Variants in DLG2 observed in about 807,000 individuals in gnomAD.
The protein encoded by DLG2 is disks large homolog 2.
In DLG2, 45 loss-of-function variants were observed where a neutral mutation model predicts 132.5. The ratio of observed to expected loss-of-function variants is 0.34; its 90% CI spans 0.27 to 0.44. DLG2 has a LOEUF of 0.44. Among genes scored for constraint, DLG2 ranks in the 20% least tolerant of loss-of-function variants. The probability of loss-of-function intolerance (pLI) is 1.00; values close to 1 mark genes in which losing one functional copy is unlikely to be tolerated. For missense variants in DLG2, 1,045 were observed against 1,196.9 expected (o/e 0.87, Z 1.87); for synonymous variants, 424 against 419.6 (o/e 1.01, Z -0.13).
intron 3 of DLG2, among the ~76,000 whole-genome samples, chr11:85,537,185 TGGACCAATCGGCTCTCTGTAAAAC>T (rs913916343): frequency 4.6e-5 from 7 of 152,284 alleles, no homozygotes; most frequent in Admixed American, 3.9e-4. Flanking sequence ...TCTGTCAATA[TGGACCAATCGGCTCTCTGTAAAAC>T]GGACCAATCA....
chr11:84,454,526 T>C (rs1392294123), intron 7 of DLG2, among the ~76,000 whole-genome samples: 2 of 151,466 alleles, frequency 1.3e-5, no homozygotes, highest in Non-Finnish European at 3.0e-5. Flanking sequence ...ATATGTTCAT[T>C]CAAAATTATA....
At chr11:83,980,451 C>G in intron 12 of DLG2, 55 bp downstream of exon 12, 1 of 1,565,448 alleles carries the variant, frequency 6.4e-7, no homozygotes, top group Non-Finnish European at 8.6e-7. Flanking sequence ...CAGTCATACA[C>G]TGGAAAACAA....
At chr11:85,407,428 C>T (rs1463611611) in intron 3 of DLG2, among the ~76,000 whole-genome samples, 1 of 151,738 alleles carries the variant, frequency 6.6e-6, no homozygotes, top group Non-Finnish European at 1.5e-5. Flanking sequence ...ACTACATACC[C>T]AAGCCTAAAT....
chr11:84,262,641 A>G (rs1216155151), intron 7 of DLG2, among the ~76,000 whole-genome samples: 1 of 152,054 alleles, frequency 6.6e-6, no homozygotes, highest in Non-Finnish European at 1.5e-5. Context: ...AGCAGTATAC[A>G]CTGCACCATA....
At position 85,270,983 on chromosome 11, in the gene DLG2, G is replaced by A. The variant is rs540640886; in HGVS notation, c.186+14237C>T. 2.0e-5 allele frequency among the ~76,000 whole-genome samples: 3 copies of A among 152,206 alleles called. No homozygotes were observed. In the East Asian group the frequency reaches 5.8e-4, roughly 29 times the overall value. ...CATTTTCTGAGGAGAAATTCAAGCT[G>A]GCTGCAGACATTTGCATAAATAATG... On this transcript the variant is annotated intron_variant, in intron 4 of 27. Transcript: ENST00000376104.
intron 7 of DLG2, among the ~76,000 whole-genome samples, chr11:84,528,905 T>C (rs79453198): frequency 0.015 from 2,295 of 152,314 alleles, 58 homozygotes; most frequent in African/African-American, 0.051. Flanking sequence ...TTGAATCTGA[T>C]ATCACAGTAC....
intron 6 of DLG2, among the ~76,000 whole-genome samples, chr11:84,684,173 C>A (rs1224240081): frequency 6.6e-6 from 1 of 152,128 alleles, no homozygotes; most frequent in Non-Finnish European, 1.5e-5. Context: ...GCTACAATAT[C>A]AAGGACTGAA....
At chr11:84,608,129 TA>T (rs1370358606) in intron 6 of DLG2, among the ~76,000 whole-genome samples, 1 of 152,092 alleles carries the variant, frequency 6.6e-6, no homozygotes, top group Admixed American at 6.6e-5. Context: ...CTTTTGACTT[TA>T]AAGGCAGCAC....
chr11:85,294,470 G>A (rs1048555949), intron 3 of DLG2, among the ~76,000 whole-genome samples: 6 of 152,108 alleles, frequency 3.9e-5, no homozygotes, highest in African/African-American at 1.2e-4. Flanking sequence ...ATTACTTGGA[G>A]ATAAAAGCAC....
At chr11:85,498,995 T>A (rs573611079) in intron 3 of DLG2, among the ~76,000 whole-genome samples, 1 of 151,904 alleles carries the variant, frequency 6.6e-6, no homozygotes. Context: ...GCTGAAGAGA[T>A]CTAAAATCAA....
chr11:83,588,660 GAGA>G (rs1455998007), intron 19 of DLG2, among the ~76,000 whole-genome samples: 3 of 151,536 alleles, frequency 2.0e-5, no homozygotes, highest in South Asian at 2.1e-4. Flanking sequence ...GACGAGCTGA[GAGA>G]AGAAGGCTTC....
At chr11:84,729,380 G>T (rs1038675890) in intron 6 of DLG2, among the ~76,000 whole-genome samples, 3 of 152,130 alleles carry the variant, frequency 2.0e-5, no homozygotes, top group Non-Finnish European at 4.4e-5. Flanking sequence ...CCATGTAGTT[G>T]TGTGGTTTTG....
At chr11:84,550,350 T>C (rs762984095) in intron 6 of DLG2, among the ~76,000 whole-genome samples, 10 of 152,084 alleles carry the variant, frequency 6.6e-5, no homozygotes, top group Non-Finnish European at 1.2e-4. Context: ...TGTGAGGCCA[T>C]CTTACCCAAA....
intron 4 of DLG2, among the ~76,000 whole-genome samples, chr11:85,213,948 C>T (rs1040910212): frequency 3.3e-5 from 5 of 152,122 alleles, no homozygotes; most frequent in Admixed American, 2.6e-4. Context: ...CACATTGCCA[C>T]AGGCCTCAGT....
At chr11:83,604,249 T>C (rs2058997583) in intron 19 of DLG2, among the ~76,000 whole-genome samples, 1 of 152,208 alleles carries the variant, frequency 6.6e-6, no homozygotes, top group African/African-American at 2.4e-5. Flanking sequence ...TGACAATGCT[T>C]CAAACTGCTT....
At chr11:85,153,158 T>A (rs2077368423) in intron 5 of DLG2, among the ~76,000 whole-genome samples, 1 of 152,202 alleles carries the variant, frequency 6.6e-6, no homozygotes, top group African/African-American at 2.4e-5. Context: ...TAAAAAGTCA[T>A]TTAATGTGCC....
chr11:84,767,161 C>A (rs2068538600), intron 6 of DLG2, among the ~76,000 whole-genome samples: 1 of 151,948 alleles, frequency 6.6e-6, no homozygotes, highest in African/African-American at 2.4e-5. Context: ...ATATTTAGCA[C>A]AAAGTGTAAT....
At chr11:84,907,229 T>TATG (rs2091613660) in intron 6 of DLG2, among the ~76,000 whole-genome samples, 1 of 152,120 alleles carries the variant, frequency 6.6e-6, no homozygotes. Context: ...CAATTCAACA[T>TATG]ACGACTAACT....
At chr11:84,130,331 A>G (rs2094360736) in intron 9 of DLG2, among the ~76,000 whole-genome samples, 1 of 152,030 alleles carries the variant, frequency 6.6e-6, no homozygotes, top group Non-Finnish European at 1.5e-5. Context: ...TGGAAACAAG[A>G]GAAGAAATCA....
Sources: allele counts gnomAD v4.1 joint callset (sites outside exome capture counted in the v4.1 genomes callset), GRCh38; gene constraint gnomAD v4.1.1; transcripts MANE v1.5; gene names NCBI Gene and HGNC (gene_info 2026-07-23, HGNC 2026-07-21).